The following NEB variants were observed in gnomAD, a reference collection of about 807,000 sequenced individuals.
NEB encodes the protein nemaline myopathy type 2.
A neutral mutation model predicts 952.2 loss-of-function variants in NEB; 512 were observed. The ratio of observed to expected loss-of-function variants is 0.54; its 90% confidence interval spans 0.50 to 0.58. The LOEUF (loss-of-function observed/expected upper bound fraction) is 0.58. Ranked by LOEUF, NEB falls within the 20% of genes least tolerant of loss-of-function variation. The pLI, the probability that NEB is intolerant of heterozygous loss-of-function variation, is 0.00. For missense variants in NEB, 8,428 were observed against 9,231.1 expected (o/e 0.91, Z 3.56); for synonymous variants, 2,900 against 3,149.8 (o/e 0.92, Z 2.66).
chr2:151,730,795 G>T (rs759528655), intron 3 of NEB, among the ~76,000 whole-genome samples: 8 of 152,004 alleles, frequency 5.3e-5, no homozygotes, highest in Non-Finnish European at 1.2e-4. Flanking sequence ...TCAGTAGGCC[G>T]CCTGTGCTAT....
chr2:151,706,984 T>C lies in NEB; in HGVS notation c.1049A>G (p.Glu350Gly), dbSNP rs761944602. 1.9e-6 allele frequency: 3 copies of C among 1,577,610 alleles called. No individual in the cohort carries two copies. Among genetic ancestry groups the C allele is most frequent in the African/African-American group, 1.3e-5 (1 of 74,596 alleles). The change falls in exon 13 of 182, where the codon GAA becomes GGA. Residue 350 changes from glutamate (E) to glycine (G), a missense_variant. Around this residue, in one of 11 missense-constraint regions of NEB, gnomAD observed 2,851 missense variants for 2,791.5 expected, o/e 1.02. Transcript: ENST00000397345. Reference sequence around the variant, plus strand: ...TTTTCCTTTATTCTTTTCATAGTCTTCTTTGTATTTTACCTGTAGGAGTGA... The same window carrying C: ...TTTTCCTTTATTCTTTTCATAGTCTCCTTTGTATTTTACCTGTAGGAGTGA... ...GVAASKVKYK[E>G]DYEKNKGKAD...
Position 151,561,303 on chromosome 2 carries a change from T to C in NEB, c.19006A>G (p.Thr6336Ala). The change falls in exon 122 of 182, where the codon ACA (threonine) becomes GCA (alanine). Residue 6336 changes from threonine to alanine, a missense_variant. Thr to Ala is a moderately conservative substitution (Grantham distance 58, BLOSUM62 0). Around this residue, in one of 11 missense-constraint regions of NEB, gnomAD observed 3,374 missense variants for 3,651.5 expected, o/e 0.92. Transcript: ENST00000397345. ...SYDLQSQLQY[T>A]AAGKENLQNY... The stretch of plus-strand genomic sequence containing the variant: ...TGTAGATTTTCTTTACCTGCTGCTG[T>C]ATATTGTAGCTGTGAAGAAAAACAA... 1.9e-6 allele frequency: 3 copies of C among 1,592,948 alleles called. No homozygotes were observed. Among genetic ancestry groups the C allele is most frequent in the Non-Finnish European group, 2.6e-6 (3 of 1,168,748 alleles).
At chr2:151,568,530 A>C in intron 111 of NEB, 88 bp downstream of exon 111, 1 of 1,429,664 alleles carries the variant, frequency 7.0e-7, no homozygotes, top group Non-Finnish European at 9.8e-7. Flanking sequence ...TGTATTTCAG[A>C]TGATTGCATT....
chr2:151,667,859 C>T lies in NEB; in HGVS notation c.4664G>A (p.Arg1555Lys), dbSNP rs183333679. 7.4e-6 allele frequency: 12 copies of T among 1,612,984 alleles called. No homozygotes were observed. In the Admixed American group the frequency reaches 1.0e-4, roughly 13 times the overall value. Residue 1555 changes from arginine (R) to lysine (K), a missense_variant, in exon 40 of 182, where the codon AGA becomes AAA. Physicochemically the swap from Arg to Lys is conservative, Grantham distance 26. This residue lies in a region of NEB where 2,851 missense variants were observed against 2,791.5 expected (regional missense o/e 1.02). Coordinates refer to ENST00000397345, the MANE Select transcript of NEB (RefSeq NM_001164508.2). ...AGCAACAATTGGGATGGCATCTGGT[C>T]TCAAATCATAGCCCTTGGCAATGGT... ...KKTIAKGYDL[R>K]PDAIPIVAAK...
intron 148 of NEB, 37 bp downstream of exon 148, chr2:151,526,881 G>T (rs751381939): frequency 1.4e-6 from 2 of 1,392,374 alleles, no homozygotes; most frequent in Non-Finnish European, 1.0e-6. Flanking sequence ...ATGGCCCTGA[G>T]TGAGGTTAGG....
chr2:151,514,827 T>C lies in NEB; in HGVS notation c.23007A>G (p.Ile7669Met). The change falls in exon 158 of 182, where the codon ATA becomes ATG. Residue 7669 changes from isoleucine to methionine, a missense_variant. Around this residue, in one of 11 missense-constraint regions of NEB, gnomAD observed 3,374 missense variants for 3,651.5 expected, o/e 0.92. Transcript: ENST00000397345. ...ALLHVKYATK[I>M]ASEKEYRKDL... ...ACCAAGTGGGCACTACCTCGCTTGC[T>C]ATTTTAGTTGCATATTTGACATGTA... is the stretch of plus-strand genomic sequence containing the variant. 6.4e-7 allele frequency: 1 copy of C among 1,572,110 alleles called. No individual in the cohort carries two copies. Among genetic ancestry groups the C allele is most frequent in the Non-Finnish European group, 8.6e-7 (1 of 1,157,122 alleles).
chr2:151,728,026 T>C lies in NEB; in HGVS notation c.79-120A>G, dbSNP rs1035879759. ...ACATTCCTGGTGTTACTTCTCCATA[T>C]CTAAAGTAAGCCAAAGCAGGAAATG... On this transcript the variant is annotated intron_variant, in intron 4 of 181. Transcript: ENST00000397345. The C allele has an allele frequency of 5.2e-6, 4 of 774,418 alleles. No individual in the cohort carries two copies. In the African/African-American group the frequency reaches 5.3e-5, roughly 10 times the overall value. 48.0% of individuals were successfully genotyped at this position (774,418 alleles called of 1,614,324 possible).
intron 153 of NEB, among the ~76,000 whole-genome samples, chr2:151,521,449 G>C (rs557882649): frequency 2.6e-5 from 4 of 152,330 alleles, no homozygotes; most frequent in Middle Eastern, 3.4e-3. Context: ...TCTGAGGTGT[G>C]AGCTGGTGTC....
chr2:151,617,552 G>A (rs944290898), intron 74 of NEB, 84 bp from the exon 75 acceptor site: 2 of 808,638 alleles, frequency 2.5e-6, no homozygotes, highest in African/African-American at 1.7e-5. Context: ...TTATGTGCCA[G>A]TCATCTCTCT....
At chr2:151,628,583 G>C (rs1290343996) in intron 68 of NEB, among the ~76,000 whole-genome samples, 1 of 152,186 alleles carries the variant, frequency 6.6e-6, no homozygotes, top group Admixed American at 6.5e-5. Context: ...GCTTATGCCT[G>C]TAATCCCAGC....
At chr2:151,709,370 A>G (rs1274768433) in intron 12 of NEB, among the ~76,000 whole-genome samples, 5 of 152,232 alleles carry the variant, frequency 3.3e-5, no homozygotes, top group Non-Finnish European at 7.4e-5. Context: ...TTCCTCAGGC[A>G]AATAATAAAT....
Position 151,672,421 on chromosome 2 carries a change from G to A in NEB, c.4247C>T (p.Pro1416Leu), listed in dbSNP as rs2099312351. 2.5e-6 allele frequency: 4 copies of A among 1,613,148 alleles called. No homozygotes were observed. The highest frequency in any genetic ancestry group is 3.4e-6 in the Non-Finnish European group (4 of 1,179,156). Residue 1416 changes from proline (P) to leucine (L), a missense_variant, in exon 37 of 182, where the codon CCT (proline) becomes CTT (leucine). Pro to Leu is a moderately conservative substitution (Grantham distance 98). Coordinates refer to ENST00000397345, the MANE Select transcript of NEB (RefSeq NM_001164508.2). ...CGTATGCTCAAGACTCATGGCGTCAGGTAGGTATGTGTAATGATGCAATGG... is the reference window on the plus strand; with the variant it reads ...CGTATGCTCAAGACTCATGGCGTCAAGTAGGTATGTGTAATGATGCAATGG... ...KQPLHHYTYL[P>L]DAMSLEHTRN...
In NEB at chr2:151,724,347, G is replaced by C; in HGVS notation, c.525C>G (p.Asn175Lys). Residue 175 changes from asparagine (N) to lysine (K), a missense_variant, in exon 8 of 182, where the codon AAC becomes AAG. Physicochemically the swap from Asn to Lys is moderately conservative, Grantham distance 94 (BLOSUM62 0). This residue lies in a region of NEB where 2,851 missense variants were observed against 2,791.5 expected (regional missense o/e 1.02). Coordinates refer to ENST00000397345, the MANE Select transcript of NEB (RefSeq NM_001164508.2). ...QQVSKVLYKQ[N>K]WEDTKDKYLL... ...GGTACTTATCCTTGGTGTCTTCCCA[G>C]TTCTGCTTGTATAAAACCTAGACAG... 1 of 1,611,398 alleles carries C rather than the reference G, an allele frequency of 6.2e-7. No individual in the cohort carries two copies. The highest frequency in any genetic ancestry group is 1.1e-5 in the South Asian group (1 of 90,410).
Position 151,492,466 on chromosome 2 carries a change from TG to T in NEB, c.24793del (p.Gln8265LysfsTer15). The T allele has an allele frequency of 6.2e-7, 1 of 1,613,532 alleles. No homozygotes were observed. The highest frequency in any genetic ancestry group is 8.5e-7 in the Non-Finnish European group (1 of 1,179,662). On this transcript the variant is annotated frameshift_variant, in exon 177 of 182. Coordinates refer to ENST00000397345, the MANE Select transcript of NEB (RefSeq NM_001164508.2). LOFTEE classifies it high-confidence loss of function. ...TACATAGGCAGCTTTGCCTTGTATT[TG>T]TTTCCGGAAACTATCAGAATAAAGA... ...SVLYSDSFRK[Q>X]IQGKAAYVLD...
intron 74 of NEB, among the ~76,000 whole-genome samples, chr2:151,617,717 A>G (rs564226824): frequency 6.6e-6 from 1 of 152,036 alleles, no homozygotes; most frequent in Non-Finnish European, 1.5e-5. Context: ...AAAGAGTTAT[A>G]GCACACAGTA....
At chr2:151,628,698 A>T (rs781297130) in intron 68 of NEB, among the ~76,000 whole-genome samples, 4 of 151,896 alleles carry the variant, frequency 2.6e-5, no homozygotes, top group Non-Finnish European at 5.9e-5. Flanking sequence ...AAAAATACTA[A>T]ATACTAAAAA....
rs552774805 is a variant in NEB at position 151,633,798 on chromosome 2, C to T, written c.9270G>A (p.Val3090=). Residue 3090 remains valine (V), a synonymous_variant, in exon 65 of 182, where the codon GTG becomes GTA. Coordinates refer to ENST00000397345, the MANE Select transcript of NEB (RefSeq NM_001164508.2). The part of the protein sequence containing the change: ...EKWKTKFSSP[V]DMLGVVLAKK... ...TGGCCAGCACCACCCCCAGCATGTC[C>T]ACTGGGCTGCTGAACTTGGTCTTCC... 2 of 1,613,918 alleles carry T rather than the reference C, an allele frequency of 1.2e-6. No individual in the cohort carries two copies. Among genetic ancestry groups the T allele is most frequent in the South Asian group, 2.2e-5 (2 of 91,070 alleles).
rs768987428 is a variant in NEB, at chr2:151,658,083, T to C, written c.6083A>G (p.Tyr2028Cys). Residue 2028 changes from tyrosine to cysteine, a missense_variant, in exon 48 of 182, where the codon TAC becomes TGC. Physicochemically the swap from Tyr to Cys is radical, Grantham distance 194. Around this residue, in one of 11 missense-constraint regions of NEB, gnomAD observed 2,851 missense variants for 2,791.5 expected, o/e 1.02. Coordinates refer to ENST00000397345, the MANE Select transcript of NEB (RefSeq NM_001164508.2). ...ANAINMSDKL[Y>C]KLSLEESKKK... ...TTTAGACTCTTCCAAGGAAAGTTTG[T>C]AGAGTTTCTGTAAAGAGAGGCAAAG... 1 of 1,594,420 alleles carries C rather than the reference T, an allele frequency of 6.3e-7. No individual in the cohort carries two copies. The highest frequency in any genetic ancestry group is 8.6e-7 in the Non-Finnish European group (1 of 1,165,640).
At chr2:151,709,114 T>C (rs1022739795) in intron 12 of NEB, among the ~76,000 whole-genome samples, 7 of 152,206 alleles carry the variant, frequency 4.6e-5, no homozygotes, top group African/African-American at 1.7e-4. Flanking sequence ...AGTCACTCAA[T>C]CAAACATATG....
Sources: allele counts gnomAD v4.1 joint callset (sites outside exome capture counted in the v4.1 genomes callset), GRCh38; gene constraint gnomAD v4.1.1; regional missense constraint gnomAD v4.1.1; transcripts MANE v1.5; gene names NCBI Gene and HGNC (gene_info 2026-07-23, HGNC 2026-07-21).